Variants in AGBL4 observed in about 807,000 individuals in gnomAD.
AGBL4 encodes the protein cytosolic carboxypeptidase 6.
A neutral mutation model predicts 66.4 loss-of-function variants in AGBL4; 58 were observed. The ratio of observed to expected loss-of-function variants is 0.87; its 90% CI spans 0.71 to 1.09. AGBL4 has a LOEUF of 1.09. AGBL4 is among the 50% of genes least tolerant of loss of function. AGBL4 has a pLI of 0.00. For synonymous variants in AGBL4, 234 were observed against 222.9 expected, an observed-to-expected ratio of 1.05 and a Z score of -0.44; for missense variants, 579 against 631.0, an observed-to-expected ratio of 0.92 and a Z score of 0.88.
In AGBL4 at chr1:49,826,065, C is replaced by T. The variant is rs145768073; in HGVS notation, c.157+25331G>A. ...AACACTATTATATTAAAAATGAAAA[C>T]TAATTTACATAATATTTTAAAACTA... is the stretch of plus-strand genomic sequence containing the variant. On this transcript the variant is annotated intron_variant, in intron 2 of 13. Transcript: ENST00000371839. 5.8e-3 allele frequency among the ~76,000 whole-genome samples: 886 copies of T among 152,118 alleles called. 7 individuals carry two copies. Among genetic ancestry groups the T allele is most frequent in the Middle Eastern group, 0.017 (5 of 294 alleles).
intron 2 of AGBL4, among the ~76,000 whole-genome samples, chr1:49,698,874 T>C (rs1647035754): frequency 1.3e-5 from 2 of 152,214 alleles, no homozygotes; most frequent in African/African-American, 2.4e-5. Flanking sequence ...TTAAAATTAC[T>C]GTGGCATATA....
At chr1:48,522,598 T>A in the AGBL4 span, among the ~76,000 whole-genome samples, 1 of 152,130 alleles carries the variant, frequency 6.6e-6, no homozygotes, top group African/African-American at 2.4e-5. Context: ...ACGGTGATGT[T>A]AATTAGGTCC....
intron 6 of AGBL4, among the ~76,000 whole-genome samples, chr1:48,832,208 T>C (rs1199853027): frequency 1.3e-5 from 2 of 152,108 alleles, no homozygotes; most frequent in African/African-American, 4.8e-5. Flanking sequence ...GGAAAATGCT[T>C]GGGGTTTCCT....
chr1:48,803,663 G>A (rs1645858716), intron 6 of AGBL4, among the ~76,000 whole-genome samples: 1 of 152,204 alleles, frequency 6.6e-6, no homozygotes, highest in Non-Finnish European at 1.5e-5. Context: ...CTGAGGCTAT[G>A]AAAAGAGGAA....
At chr1:48,644,871 G>A (rs1187580300) in intron 8 of AGBL4, among the ~76,000 whole-genome samples, 1 of 152,222 alleles carries the variant, frequency 6.6e-6, no homozygotes, top group Non-Finnish European at 1.5e-5. Flanking sequence ...TTAGGAACTA[G>A]GACCAGAAAT....
At chr1:49,234,574 GT>G (rs895562043) in intron 4 of AGBL4, among the ~76,000 whole-genome samples, 2 of 152,200 alleles carry the variant, frequency 1.3e-5, no homozygotes, top group African/African-American at 4.8e-5. Context: ...TAGAGTATCA[GT>G]GGACTATGCC....
intron 4 of AGBL4, among the ~76,000 whole-genome samples, chr1:49,069,468 G>C (rs987598065): frequency 1.3e-5 from 2 of 151,450 alleles, no homozygotes; most frequent in Admixed American, 1.3e-4. Context: ...AGTTTTCCCA[G>C]CACCACTTAT....
chr1:48,982,578 C>T (rs1022038981), intron 5 of AGBL4, among the ~76,000 whole-genome samples: 1 of 152,140 alleles, frequency 6.6e-6, no homozygotes, highest in Non-Finnish European at 1.5e-5. Context: ...ATATGTGCCA[C>T]ATTTTCTTAA....
intron 4 of AGBL4, among the ~76,000 whole-genome samples, chr1:49,062,564 C>G (rs1187304722): frequency 6.6e-6 from 1 of 152,106 alleles, no homozygotes; most frequent in African/African-American, 2.4e-5. Flanking sequence ...GCAGAAGCAA[C>G]AGATACAGTT....
chr1:49,094,365 C>G (rs544101662), intron 4 of AGBL4, among the ~76,000 whole-genome samples: 1 of 152,140 alleles, frequency 6.6e-6, no homozygotes, highest in South Asian at 2.1e-4. Context: ...CTGGATGGAT[C>G]TCATTTAATC....
chr1:49,306,012 C>T (rs1644843491), intron 3 of AGBL4, among the ~76,000 whole-genome samples: 2 of 152,124 alleles, frequency 1.3e-5, no homozygotes, highest in South Asian at 4.1e-4. Flanking sequence ...TCTTATGGCA[C>T]AACATTGAGC....
chr1:49,575,610 A>C (rs1263061324), intron 3 of AGBL4, among the ~76,000 whole-genome samples: 1 of 152,238 alleles, frequency 6.6e-6, no homozygotes, highest in Non-Finnish European at 1.5e-5. Context: ...GATATTGGAA[A>C]ATGACAGTGG....
At chr1:49,749,793 T>C (rs1221036582) in intron 2 of AGBL4, among the ~76,000 whole-genome samples, 1 of 152,164 alleles carries the variant, frequency 6.6e-6, no homozygotes, top group Non-Finnish European at 1.5e-5. Context: ...TGTGTGTATG[T>C]AGAGTCAATG....
At chr1:49,954,308 G>A (rs1217128702) in intron 1 of AGBL4, among the ~76,000 whole-genome samples, 1 of 152,024 alleles carries the variant, frequency 6.6e-6, no homozygotes, top group Non-Finnish European at 1.5e-5. Context: ...TTAATTGCCA[G>A]TATTAACAGT....
intron 3 of AGBL4, among the ~76,000 whole-genome samples, chr1:49,471,238 C>T (rs1025922841): frequency 2.0e-5 from 3 of 151,858 alleles, no homozygotes; most frequent in Non-Finnish European, 4.4e-5. Flanking sequence ...GTTATTTTTG[C>T]TTTGGTATCA....
chr1:49,080,049 C>T (rs1387735662), intron 4 of AGBL4, among the ~76,000 whole-genome samples: 6 of 152,134 alleles, frequency 3.9e-5, no homozygotes, highest in African/African-American at 1.4e-4. Context: ...ATTTAATATT[C>T]TTAACTACCT....
At chr1:48,544,881 C>T (rs963577369) in intron 11 of AGBL4, among the ~76,000 whole-genome samples, 2 of 152,164 alleles carry the variant, frequency 1.3e-5, no homozygotes, top group Non-Finnish European at 2.9e-5. Flanking sequence ...AAATTTCTGA[C>T]CCACAGAGAA....
intron 3 of AGBL4, among the ~76,000 whole-genome samples, chr1:49,298,760 T>G (rs980877926): frequency 6.6e-6 from 1 of 152,166 alleles, no homozygotes; most frequent in African/African-American, 2.4e-5. Flanking sequence ...TTTTCTGACA[T>G]GGGAATTTTA....
rs1645176443 is a variant in AGBL4, at chr1:49,405,460, T to C, written c.283-159596A>G. Reference sequence around the variant, plus strand: ...ATGATAATAATATACATGTATTCCATGGGCTCATGATAAGTATTCAATATG... The same window carrying C: ...ATGATAATAATATACATGTATTCCACGGGCTCATGATAAGTATTCAATATG... On this transcript the variant is annotated intron_variant, in intron 3 of 13. Coordinates refer to ENST00000371839, the MANE Select transcript of AGBL4 (RefSeq NM_032785.4). Among the ~76,000 whole-genome samples, 4 of 152,192 alleles carry C rather than the reference T, an allele frequency of 2.6e-5. No homozygotes were observed. The South Asian group carries it at 8.3e-4, about 31-fold the overall frequency.
Sources: allele counts gnomAD v4.1 joint callset (sites outside exome capture counted in the v4.1 genomes callset), GRCh38; gene constraint gnomAD v4.1.1; transcripts MANE v1.5; gene names NCBI Gene and HGNC (gene_info 2026-07-23, HGNC 2026-07-21).